Variants in GLCCI1 observed in about 807,000 individuals in gnomAD.
GLCCI1 encodes the protein glucocorticoid induced 1.
Under a neutral mutation model 52.2 loss-of-function variants are expected in GLCCI1, and 24 were observed. That is an observed-to-expected ratio of 0.46 (90% CI 0.33 to 0.65). GLCCI1 has a LOEUF of 0.65. Ranked by LOEUF, GLCCI1 falls within the 30% of genes least tolerant of loss-of-function variation. The pLI, the probability that GLCCI1 is intolerant of heterozygous loss-of-function variation, is 0.02. For synonymous variants in GLCCI1, 310 were observed against 276.5 expected (o/e 1.12, Z -1.20); for missense variants, 704 against 701.5 (o/e 1.00, Z -0.04).
intron 5 of GLCCI1, among the ~76,000 whole-genome samples, chr7:8,064,756 G>T (rs1191626929): frequency 6.6e-6 from 1 of 152,030 alleles, no homozygotes; most frequent in Non-Finnish European, 1.5e-5. Flanking sequence ...TCGCCAGGCT[G>T]AAGTGCAGTG....
At chr7:8,007,469 C>G (rs926517244) in intron 2 of GLCCI1, among the ~76,000 whole-genome samples, 3 of 152,272 alleles carry the variant, frequency 2.0e-5, no homozygotes, top group African/African-American at 7.2e-5. Context: ...ATGGCAACCA[C>G]TAACTACTAA....
chr7:8,044,323 A>T (rs991988717), intron 3 of GLCCI1, among the ~76,000 whole-genome samples: 2 of 151,666 alleles, frequency 1.3e-5, no homozygotes, highest in Non-Finnish European at 2.9e-5. Flanking sequence ...ATCTTCCTTG[A>T]CATAGGATCG....
chr7:8,017,803 T>G lies in GLCCI1; in HGVS notation c.610-4680T>G, dbSNP rs541288749. On this transcript the variant is annotated intron_variant, in intron 2 of 7. Coordinates refer to ENST00000223145, the MANE Select transcript of GLCCI1 (RefSeq NM_138426.4). ...ACTCTTTGCTAATCAGAGCAGCTAT[T>G]TACTATATCTGGTTACCACTCTTCC... Among the ~76,000 whole-genome samples the G allele has an allele frequency of 1.6e-4, 24 of 152,306 alleles. 1 individual carries two copies. In the South Asian group the frequency reaches 5.0e-3, roughly 32 times the overall value.
Position 7,969,803 on chromosome 7 carries a change from C to G in GLCCI1, c.453C>G (p.Cys151Trp). 6.8e-7 allele frequency: 1 copy of G among 1,472,220 alleles called. No individual in the cohort carries two copies. Among genetic ancestry groups the G allele is most frequent in the South Asian group, 1.2e-5 (1 of 80,780 alleles). 91.2% of individuals were successfully genotyped at this position (1,472,220 alleles called of 1,614,324 possible). The change falls in exon 1 of 8, where the codon TGC (cysteine) becomes TGG (tryptophan). Residue 151 changes from cysteine (C) to tryptophan (W), a missense_variant. Physicochemically the swap from Cys to Trp is radical, Grantham distance 215. This residue lies in a region of GLCCI1 where 547 missense variants were observed against 524.8 expected (regional missense o/e 1.04). Coordinates refer to ENST00000223145, the MANE Select transcript of GLCCI1 (RefSeq NM_138426.4). This position sits in a 1 kb window ranked among gnomAD's most constrained non-coding sequence, Gnocchi z 4.9. ...GACGGAGCCCCGGCTCGCCCGTGTG[C>G]AGAGGTAGCGAGCCCAACCCTCCCG... ...PERRSPGSPV[C>W]RADKAKSQQV...
At chr7:8,058,158 T>C (rs141219469) in intron 4 of GLCCI1, among the ~76,000 whole-genome samples, 152 of 152,276 alleles carry the variant, frequency 1.0e-3, no homozygotes, top group African/African-American at 3.5e-3. Context: ...TTTCCTCTTA[T>C]ATTAGTAATG....
chr7:8,066,546 G>A (rs2127963039), intron 5 of GLCCI1, among the ~76,000 whole-genome samples: 1 of 150,562 alleles, frequency 6.6e-6, no homozygotes, highest in Admixed American at 6.7e-5. Flanking sequence ...TCTTAACACT[G>A]CTTTAGCTGT....
intron 5 of GLCCI1, among the ~76,000 whole-genome samples, chr7:8,061,538 C>T (rs898090761): frequency 1.3e-5 from 2 of 152,024 alleles, no homozygotes; most frequent in African/African-American, 4.8e-5. Context: ...AATTACCCTC[C>T]CAAAAGGTTG....
intron 2 of GLCCI1, among the ~76,000 whole-genome samples, chr7:8,009,381 A>G (rs1781216593): frequency 1.3e-5 from 2 of 152,324 alleles, no homozygotes; most frequent in East Asian, 1.9e-4. Context: ...AAAGTAATAT[A>G]TATTCTTTGT....
At chr7:8,044,997 C>T (rs1284593286) in intron 3 of GLCCI1, among the ~76,000 whole-genome samples, 2 of 152,104 alleles carry the variant, frequency 1.3e-5, no homozygotes, top group African/African-American at 4.8e-5. Flanking sequence ...AATGAAACCA[C>T]TTTTACCGTA....
intron 1 of GLCCI1, among the ~76,000 whole-genome samples, chr7:7,970,810 C>T (rs1477621121): frequency 1.3e-5 from 2 of 152,070 alleles, no homozygotes; most frequent in Admixed American, 1.3e-4. Context: ...TTGTTAGATA[C>T]CGAACTAGAG....
intron 1 of GLCCI1, chr7:7,982,097 G>T: frequency 2.2e-6 from 1 of 451,630 alleles, no homozygotes; most frequent in Non-Finnish European, 4.4e-6. Context: ...CTGATCGCAA[G>T]AGAGGAATGG....
chr7:8,070,204 T>C (rs891228713), intron 5 of GLCCI1: 3 of 152,236 alleles, frequency 2.0e-5, no homozygotes, highest in Non-Finnish European at 4.4e-5. Context: ...TATGTGGCTC[T>C]ATGATGATGG....
At chr7:8,009,380 T>G (rs1180411167) in intron 2 of GLCCI1, among the ~76,000 whole-genome samples, 1 of 152,204 alleles carries the variant, frequency 6.6e-6, no homozygotes, top group Non-Finnish European at 1.5e-5. Context: ...GAAAGTAATA[T>G]ATATTCTTTG....
In GLCCI1 at chr7:8,083,314, G is replaced by A. The variant is rs948878904; in HGVS notation, c.1178-1583G>A. On this transcript the variant is annotated intron_variant, in intron 6 of 7. Coordinates refer to ENST00000223145, the MANE Select transcript of GLCCI1 (RefSeq NM_138426.4). ...GTTGCTGTTTGCATAGTAAGGTAAG[G>A]TCAAGCCATATTTTTTATATTACAC... 7.2e-5 allele frequency among the ~76,000 whole-genome samples: 11 copies of A among 152,090 alleles called. No individual in the cohort carries two copies. In the South Asian group the frequency reaches 2.1e-3, roughly 29 times the overall value.
At chr7:7,988,668 G>C (rs773160543) in intron 1 of GLCCI1, among the ~76,000 whole-genome samples, 10 of 152,062 alleles carry the variant, frequency 6.6e-5, no homozygotes, top group Non-Finnish European at 1.5e-4. Flanking sequence ...TCTTATTTAT[G>C]GTGACAGATG....
At chr7:8,035,800 G>A (rs1781854401) in intron 3 of GLCCI1, among the ~76,000 whole-genome samples, 1 of 152,210 alleles carries the variant, frequency 6.6e-6, no homozygotes, top group African/African-American at 2.4e-5. Flanking sequence ...GTTCCTGCCT[G>A]CCTAGGTATG....
intron 3 of GLCCI1, among the ~76,000 whole-genome samples, chr7:8,050,227 T>A (rs1390935812): frequency 6.6e-6 from 1 of 152,164 alleles, no homozygotes; most frequent in Non-Finnish European, 1.5e-5. Flanking sequence ...GTATTGTGCT[T>A]GCACGTATGT....
At chr7:8,035,373 A>G (rs1488166657) in intron 3 of GLCCI1, among the ~76,000 whole-genome samples, 1 of 152,170 alleles carries the variant, frequency 6.6e-6, no homozygotes, top group Non-Finnish European at 1.5e-5. Context: ...GAGAAGGGAT[A>G]TCTCTCCTCT....
chr7:8,079,322 T>C (rs894485121), intron 6 of GLCCI1, among the ~76,000 whole-genome samples: 10 of 146,786 alleles, frequency 6.8e-5, no homozygotes, highest in African/African-American at 2.7e-4. Flanking sequence ...AATTTTGCCA[T>C]TTAATAAACT....
Sources: allele counts gnomAD v4.1 joint callset (sites outside exome capture counted in the v4.1 genomes callset), GRCh38; gene constraint gnomAD v4.1.1; regional missense constraint gnomAD v4.1.1; non-coding constraint Gnocchi (gnomAD v3.1); transcripts MANE v1.5; gene names NCBI Gene and HGNC (gene_info 2026-07-23, HGNC 2026-07-21).